Variants in HDAC9 observed in about 807,000 individuals in gnomAD.
HDAC9 encodes the protein histone deacetylase 9.
Under a neutral mutation model 139.4 loss-of-function variants are expected in HDAC9, and 41 were observed. The observed-to-expected ratio is 0.29, with a 90% CI of 0.23 to 0.38. The LOEUF (loss-of-function observed/expected upper bound fraction) is 0.38, where lower values mean the gene tolerates loss of function less well. HDAC9 is among the 10% of genes least tolerant of loss of function. The pLI is 1.00. For missense variants in HDAC9, 1,147 were observed against 1,297.0 expected (o/e 0.88, Z 1.78); for synonymous variants, 517 against 476.2 (o/e 1.09, Z -1.12).
chr7:18,962,091 G>A (rs1361990110), intron 24 of HDAC9, among the ~76,000 whole-genome samples: 1 of 152,124 alleles, frequency 6.6e-6, no homozygotes, highest in Non-Finnish European at 1.5e-5. Context: ...CCACTTTTGA[G>A]CCCCTTATAA....
intron 1 of HDAC9, among the ~76,000 whole-genome samples, chr7:18,481,051 C>T (rs1034808740): frequency 1.1e-4 from 16 of 152,158 alleles, no homozygotes; most frequent in Admixed American, 2.0e-4. Context: ...GTCCCCATCA[C>T]CCCGCTTCAC....
At chr7:18,526,723 G>A (rs546194321) in intron 2 of HDAC9, among the ~76,000 whole-genome samples, 1 of 152,204 alleles carries the variant, frequency 6.6e-6, no homozygotes, top group South Asian at 2.1e-4. Context: ...AAGGATCTAT[G>A]GCTTAGGATA....
At chr7:18,732,944 C>CACACGTGTGTATGCATGTGTATAT (rs1554339664) in intron 13 of HDAC9, among the ~76,000 whole-genome samples, 1 of 74,312 alleles carries the variant, frequency 1.3e-5, no homozygotes, top group African/African-American at 7.5e-5. Context: ...TATGTGTATA[C>CACACGTGTGTATGCATGTGTATAT]ACACGTGTAT....
At chr7:18,639,585 C>T (rs370331241) in intron 8 of HDAC9, among the ~76,000 whole-genome samples, 3 of 151,656 alleles carry the variant, frequency 2.0e-5, no homozygotes, top group East Asian at 1.9e-4. Context: ...TTTTTAATTA[C>T]GTGGAGATTT....
At chr7:18,814,001 T>G (rs562168345) in intron 17 of HDAC9, among the ~76,000 whole-genome samples, 20 of 152,212 alleles carry the variant, frequency 1.3e-4, no homozygotes, top group Non-Finnish European at 2.4e-4. Flanking sequence ...CTGCCTGCTT[T>G]ATGGTAATTG....
chr7:18,374,346 C>G (rs527690019), intron 1 of HDAC9, among the ~76,000 whole-genome samples: 3 of 151,928 alleles, frequency 2.0e-5, no homozygotes, highest in Non-Finnish European at 4.4e-5. Flanking sequence ...GGGATAGGTT[C>G]TGATAAATAC....
At chr7:18,940,608 A>G (rs571407433) in intron 23 of HDAC9, among the ~76,000 whole-genome samples, 8 of 152,306 alleles carry the variant, frequency 5.3e-5, no homozygotes, top group African/African-American at 1.7e-4. Flanking sequence ...GGCATTAGGG[A>G]TACTTGTGTC....
At chr7:18,318,048 CAT>C (rs1266212672) in intron 1 of HDAC9, among the ~76,000 whole-genome samples, 1 of 152,072 alleles carries the variant, frequency 6.6e-6, no homozygotes, top group African/African-American at 2.4e-5. Flanking sequence ...TTTTTGATGA[CAT>C]GTGCTTGCCA....
At chr7:18,869,030 T>A (rs1798703844) in intron 21 of HDAC9, among the ~76,000 whole-genome samples, 1 of 152,072 alleles carries the variant, frequency 6.6e-6, no homozygotes, top group Non-Finnish European at 1.5e-5. Flanking sequence ...TATAATAAAG[T>A]TAATGTCAGT....
chr7:18,753,297 G>A (rs1016376398), intron 14 of HDAC9, among the ~76,000 whole-genome samples: 1 of 152,054 alleles, frequency 6.6e-6, no homozygotes, highest in Non-Finnish European at 1.5e-5. Flanking sequence ...AAATGAGGAA[G>A]ATTGTGGTCA....
intron 1 of HDAC9, among the ~76,000 whole-genome samples, chr7:18,101,249 A>G (rs906206606): frequency 6.6e-6 from 1 of 151,938 alleles, no homozygotes; most frequent in African/African-American, 2.4e-5. Flanking sequence ...TCATCTCCTC[A>G]ATTCAGGGAT....
chr7:18,926,284 G>T (rs1804220443), intron 22 of HDAC9, among the ~76,000 whole-genome samples: 1 of 152,016 alleles, frequency 6.6e-6, no homozygotes. Context: ...GTAATTTTAG[G>T]TTAAGTGAGC....
chr7:18,203,327 A>G (rs1226268689), intron 2 of HDAC9, among the ~76,000 whole-genome samples: 2 of 152,196 alleles, frequency 1.3e-5, no homozygotes, highest in African/African-American at 4.8e-5. Context: ...TGTTGTCTTC[A>G]TTACTGGCAC....
chr7:18,202,923 T>C (rs1040536895), intron 2 of HDAC9, among the ~76,000 whole-genome samples: 1 of 152,234 alleles, frequency 6.6e-6, no homozygotes, highest in South Asian at 2.1e-4. Context: ...ATCTGCACAA[T>C]GGGCATACTA....
intron 2 of HDAC9, among the ~76,000 whole-genome samples, chr7:18,249,425 C>T (rs1395542041): frequency 6.9e-6 from 1 of 145,548 alleles, no homozygotes; most frequent in Non-Finnish European, 1.5e-5. Context: ...ATCGCTTGAG[C>T]CTGGGAAGTG....
chr7:18,109,170 A>G (rs922551022), intron 1 of HDAC9, among the ~76,000 whole-genome samples: 2 of 152,212 alleles, frequency 1.3e-5, no homozygotes, highest in African/African-American at 4.8e-5. Flanking sequence ...TTCTGAAGGA[A>G]CAGTGAATTC....
chr7:18,903,911 G>C (rs1249506183), intron 22 of HDAC9, among the ~76,000 whole-genome samples: 1 of 152,128 alleles, frequency 6.6e-6, no homozygotes, highest in African/African-American at 2.4e-5. Context: ...ATTGGAGCCA[G>C]ATACCTCATA....
chr7:18,345,772 A>G (rs1395052635), intron 1 of HDAC9, among the ~76,000 whole-genome samples: 2 of 151,794 alleles, frequency 1.3e-5, no homozygotes, highest in Non-Finnish European at 2.9e-5. Context: ...TCTTTTCTTT[A>G]CAAGTTGGTG....
chr7:18,585,203 G>T, intron 2 of HDAC9, 78 bp from the exon 3 acceptor site: 1 of 1,509,528 alleles, frequency 6.6e-7, no homozygotes, highest in East Asian at 2.3e-5. Flanking sequence ...CTTTTTATTT[G>T]TTTCCAAATC....
Sources: gnomAD v4.1 joint callset for allele counts (sites outside exome capture counted in the v4.1 genomes callset) on GRCh38, gnomAD v4.1.1 for gene constraint, MANE v1.5 for transcripts, NCBI Gene and HGNC (gene_info 2026-07-23, HGNC 2026-07-21) for gene names.